Variants in EDIL3 observed in about 807,000 individuals in gnomAD.
The protein encoded by EDIL3 is EGF like and discoidin domains 3, also known as EGF-like repeat and discoidin I-like domain-containing protein 3.
In EDIL3, 37 loss-of-function variants were observed where a neutral mutation model predicts 67.4. The ratio of observed to expected loss-of-function variants is 0.55; its 90% CI spans 0.42 to 0.72. The LOEUF (loss-of-function observed/expected upper bound fraction) is 0.72. Among genes scored for constraint, EDIL3 ranks in the 30% least tolerant of loss-of-function variants. EDIL3 has a pLI of 0.00. For missense variants in EDIL3, 527 were observed against 586.3 expected (o/e 0.90, Z 1.04); for synonymous variants, 195 against 196.3 (o/e 0.99, Z 0.05).
intron 1 of EDIL3, among the ~76,000 whole-genome samples, chr5:84,308,043 A>G (rs1290260688): frequency 6.6e-6 from 1 of 152,202 alleles, no homozygotes; most frequent in Admixed American, 6.5e-5. Flanking sequence ...TCTGCCCAAC[A>G]GTATAAAGAA....
intron 1 of EDIL3, among the ~76,000 whole-genome samples, chr5:84,353,079 G>A (rs1441560257): frequency 2.0e-5 from 3 of 152,068 alleles, no homozygotes; most frequent in African/African-American, 7.2e-5. Context: ...CAATCAATGT[G>A]AATAGCTGCT....
intron 3 of EDIL3, among the ~76,000 whole-genome samples, chr5:84,189,017 C>T (rs150741657): frequency 1.3e-5 from 2 of 152,120 alleles, no homozygotes; most frequent in Admixed American, 6.6e-5. Context: ...CCTTATGGTT[C>T]CTGTGTAGTT....
chr5:84,211,202 G>A (rs762946861), intron 3 of EDIL3, among the ~76,000 whole-genome samples: 2 of 152,160 alleles, frequency 1.3e-5, no homozygotes, highest in Non-Finnish European at 2.9e-5. Flanking sequence ...GGATGTGGAA[G>A]CAGATCCCTC....
chr5:84,087,965 A>AC, intron 6 of EDIL3, among the ~76,000 whole-genome samples: 1 of 152,190 alleles, frequency 6.6e-6, no homozygotes, highest in Middle Eastern at 3.2e-3. Context: ...AGAATGAAGT[A>AC]CCCTTCAAGA....
chr5:84,245,914 TAAAAA>T (rs35831418), intron 2 of EDIL3, among the ~76,000 whole-genome samples: 3 of 144,024 alleles, frequency 2.1e-5, no homozygotes, highest in East Asian at 4.0e-4. Flanking sequence ...TTCTAAAATG[TAAAAA>T]AAAAAAAAAA....
intron 2 of EDIL3, among the ~76,000 whole-genome samples, chr5:84,238,545 C>T (rs1422549323): frequency 6.6e-6 from 1 of 151,542 alleles, no homozygotes; most frequent in Admixed American, 6.6e-5. Flanking sequence ...AAATAAAGCA[C>T]AATTTCTGCT....
chr5:84,214,637 T>C (rs1397969678), intron 3 of EDIL3, among the ~76,000 whole-genome samples: 2 of 152,202 alleles, frequency 1.3e-5, no homozygotes, highest in Non-Finnish European at 1.5e-5. Context: ...ATTCTCCTTT[T>C]ATTTATTTAT....
intron 9 of EDIL3, among the ~76,000 whole-genome samples, chr5:83,978,729 C>A (rs1424661724): frequency 1.3e-5 from 2 of 151,970 alleles, no homozygotes; most frequent in African/African-American, 4.8e-5. Context: ...ATGAGAACAA[C>A]CCAACGGAAG....
chr5:84,261,401 C>T (rs1745220519), intron 1 of EDIL3, among the ~76,000 whole-genome samples: 1 of 152,158 alleles, frequency 6.6e-6, no homozygotes, highest in Non-Finnish European at 1.5e-5. Context: ...ACTTGTTGAA[C>T]ATTCTAATGA....
rs369404507 is a variant in EDIL3, at chr5:84,128,585, A to G, written c.469+8656T>C. Among the ~76,000 whole-genome samples, 49 of 152,130 alleles carry G rather than the reference A, an allele frequency of 3.2e-4. No individual in the cohort carries two copies. In the South Asian group the frequency reaches 9.8e-3, roughly 30 times the overall value. On this transcript the variant is annotated intron_variant, in intron 5 of 10. Coordinates refer to ENST00000296591, the MANE Select transcript of EDIL3 (RefSeq NM_005711.5). ...GGTTTTTTTGTGTTTTTTGTTTTGT[A>G]TATATTTTATTTGGGTTGTCCCCCT...
At position 84,384,571 on chromosome 5, in the gene EDIL3, C is replaced by T; in HGVS notation, c.-197G>A. On this transcript the variant is annotated 5_prime_UTR_variant, in exon 1 of 11. Coordinates refer to ENST00000296591, the MANE Select transcript of EDIL3 (RefSeq NM_005711.5). ...TGACTAAAGAGAGGAGCCTTTCCTC[C>T]CCTTTTGCCTGCGCTCCGGCGCGCG... 1 of 450,662 alleles carries T rather than the reference C, an allele frequency of 2.2e-6. No individual in the cohort carries two copies. The highest frequency in any genetic ancestry group is 3.8e-6 in the Non-Finnish European group (1 of 264,196). 27.9% of individuals were successfully genotyped at this position (450,662 alleles called of 1,614,324 possible).
intron 9 of EDIL3, chr5:84,048,219 TGTTTCC>T: frequency 2.3e-6 from 1 of 431,936 alleles, no homozygotes; most frequent in South Asian, 1.7e-5. Flanking sequence ...TATTGACAAA[TGTTTCC>T]AGTGGCCTGG....
chr5:84,006,378 CAAA>C (rs1745416845), intron 9 of EDIL3, among the ~76,000 whole-genome samples: 1 of 151,688 alleles, frequency 6.6e-6, no homozygotes, highest in Non-Finnish European at 1.5e-5. Context: ...CAAAACAAAA[CAAA>C]ACAAAACATA....
intron 1 of EDIL3, among the ~76,000 whole-genome samples, chr5:84,360,819 T>C (rs1283592309): frequency 6.6e-6 from 1 of 152,150 alleles, no homozygotes; most frequent in African/African-American, 2.4e-5. Context: ...TTGCTAGTAT[T>C]GGCATCTCAA....
At chr5:84,220,291 A>G (rs1405043126) in intron 3 of EDIL3, among the ~76,000 whole-genome samples, 2 of 152,210 alleles carry the variant, frequency 1.3e-5, no homozygotes, top group African/African-American at 2.4e-5. Context: ...TCAGTTCAGT[A>G]CAGACAGTGC....
At chr5:84,264,276 T>A (rs1745300903) in intron 1 of EDIL3, among the ~76,000 whole-genome samples, 1 of 152,040 alleles carries the variant, frequency 6.6e-6, no homozygotes. Context: ...TTGAAGGAGT[T>A]CCCATTTGAA....
intron 2 of EDIL3, among the ~76,000 whole-genome samples, chr5:84,234,163 T>C (rs1226360360): frequency 6.6e-6 from 1 of 152,202 alleles, no homozygotes; most frequent in Non-Finnish European, 1.5e-5. Flanking sequence ...ACACACAGCC[T>C]CAGGCTATGC....
chr5:84,162,242 A>T (rs1248771461), intron 4 of EDIL3, among the ~76,000 whole-genome samples: 1 of 152,046 alleles, frequency 6.6e-6, no homozygotes, highest in African/African-American at 2.4e-5. Context: ...GTTCCCTTGT[A>T]CCCATGGATG....
chr5:84,357,063 T>A (rs1280258908), intron 1 of EDIL3, among the ~76,000 whole-genome samples: 1 of 151,694 alleles, frequency 6.6e-6, no homozygotes, highest in Non-Finnish European at 1.5e-5. Flanking sequence ...TAGCTGGGAT[T>A]ACAGGCACCC....
Sources: gnomAD v4.1 joint callset for allele counts (sites outside exome capture counted in the v4.1 genomes callset) on GRCh38, gnomAD v4.1.1 for gene constraint, MANE v1.5 for transcripts, NCBI Gene and HGNC (gene_info 2026-07-23, HGNC 2026-07-21) for gene names.